TULP4: variants seen among roughly 807,000 people sequenced by gnomAD.
TULP4 encodes TUB like protein 4, also known as tubby-related protein 4.
A neutral mutation model predicts 129.0 loss-of-function variants in TULP4; 16 were observed. The ratio of observed to expected loss-of-function variants is 0.12; its 90% confidence interval spans 0.08 to 0.19. The LOEUF is 0.19. Among genes scored for constraint, TULP4 ranks in the 10% least tolerant of loss-of-function variants. The pLI is 1.00. For synonymous variants in TULP4, 998 were observed against 854.0 expected (o/e 1.17, Z -2.94); for missense variants, 1,842 against 2,059.1 (o/e 0.89, Z 2.04).
At position 158,289,200 on chromosome 6, in the gene TULP4, A is replaced by G. The variant is rs189701320; in HGVS notation, n.116+6822A>G. Among the ~76,000 whole-genome samples the G allele has an allele frequency of 5.3e-5, 8 of 152,288 alleles. No individual in the cohort carries two copies. In the Middle Eastern group the frequency reaches 0.01, roughly 194 times the overall value. ...TTCATATGTTATCTAATTTTATAAC[A>G]TTAAGTTGTTCATGGTATTATTTTA... On this transcript the variant is annotated intron_variant and non_coding_transcript_variant, in intron 1 of 1. Coordinates refer to the TULP4 transcript ENST00000432358.
At chr6:158,271,826 A>G (rs1033143590) in intron 1 of TULP4, among the ~76,000 whole-genome samples, 1 of 152,200 alleles carries the variant, frequency 6.6e-6, no homozygotes, top group African/African-American at 2.4e-5. Flanking sequence ...TTAAAGTTGG[A>G]AAGCACTGAG....
At chr6:158,454,778 G>C (rs1489982114) in intron 5 of TULP4, among the ~76,000 whole-genome samples, 3 of 151,766 alleles carry the variant, frequency 2.0e-5, no homozygotes, top group African/African-American at 7.3e-5. Flanking sequence ...GCTAATTTTG[G>C]TATTTTTGGT....
intron 1 of TULP4, among the ~76,000 whole-genome samples, chr6:158,351,137 A>G (rs1780508528): frequency 6.6e-6 from 1 of 152,124 alleles, no homozygotes; most frequent in Non-Finnish European, 1.5e-5. Context: ...TTTGCATTGC[A>G]TTTTTATATG....
rs961288051 is a variant in TULP4, at chr6:158,508,408, G to C, written c.*1714G>C. On this transcript the variant is annotated 3_prime_UTR_variant, in exon 14 of 14. Coordinates refer to ENST00000367097, the MANE Select transcript of TULP4 (RefSeq NM_020245.5). ...AAGAAACCGACCCATTTTTTTCCCA[G>C]ATCAAGATGACATGACATCACTCCC... 1 of 152,056 alleles carries C rather than the reference G, an allele frequency of 6.6e-6. No individual in the cohort carries two copies. The highest frequency in any genetic ancestry group is 2.4e-5 in the African/African-American group (1 of 41,420). 9.4% of individuals were successfully genotyped at this position (152,056 alleles called of 1,614,324 possible).
intron 1 of TULP4, chr6:158,238,078 C>A: frequency 1.4e-6 from 1 of 708,550 alleles, no homozygotes; most frequent in Non-Finnish European, 2.6e-6. Context: ...ATTAAATCTT[C>A]TTCATGGCTA....
intron 1 of TULP4, among the ~76,000 whole-genome samples, chr6:158,338,956 C>T (rs566554257): frequency 6.6e-5 from 10 of 152,268 alleles, no homozygotes; most frequent in South Asian, 6.2e-4. Context: ...CCCTCCTGAG[C>T]GGGCAGGCAT....
At chr6:158,331,723 A>G (rs1326963573) in intron 1 of TULP4, among the ~76,000 whole-genome samples, 1,526 of 24,632 alleles carry the variant, frequency 0.062, 139 homozygotes, top group Non-Finnish European at 0.12. Context: ...ACACACACAC[A>G]CACACATACG....
At chr6:158,328,804 C>T (rs539756184) in intron 1 of TULP4, among the ~76,000 whole-genome samples, 33 of 152,116 alleles carry the variant, frequency 2.2e-4, no homozygotes, top group Non-Finnish European at 2.9e-5. Flanking sequence ...CTTCCCGCCT[C>T]GCAAGCCAGC....
At chr6:158,419,829 A>G (rs73025832) in intron 2 of TULP4, among the ~76,000 whole-genome samples, 8,287 of 152,312 alleles carry the variant, frequency 0.054, 290 homozygotes, top group Non-Finnish European at 0.08. Context: ...AAGTGAAGGA[A>G]ACTAATAGAA....
intron 5 of TULP4, among the ~76,000 whole-genome samples, chr6:158,453,344 CGT>C (rs1779205888): frequency 6.6e-6 from 1 of 151,486 alleles, no homozygotes; most frequent in African/African-American, 2.4e-5. Context: ...ATTAGCCGGG[CGT>C]GGTGGCGGGC....
At chr6:158,454,439 ACTTGGTTTCTCTACCAAATAT>A (rs1472886224) in intron 5 of TULP4, among the ~76,000 whole-genome samples, 1 of 152,174 alleles carries the variant, frequency 6.6e-6, no homozygotes, top group Admixed American at 6.5e-5. Context: ...GGAATCCAGA[ACTTGGTTTCTCTACCAAATAT>A]CTGGTGAAGG....
chr6:158,299,165 C>T (rs1051536829), intron 1 of TULP4, among the ~76,000 whole-genome samples: 4 of 152,202 alleles, frequency 2.6e-5, no homozygotes, highest in Middle Eastern at 3.4e-3. Context: ...CCCTTATCTT[C>T]CTGTTTTAAG....
At chr6:158,421,971 T>C (rs1471068492) in intron 2 of TULP4, among the ~76,000 whole-genome samples, 3 of 152,146 alleles carry the variant, frequency 2.0e-5, no homozygotes, top group African/African-American at 4.8e-5. Context: ...TTGTGAGATA[T>C]GATTAAAGTG....
At chr6:158,254,095 G>C (rs1006389442) in intron 1 of TULP4, among the ~76,000 whole-genome samples, 11 of 152,120 alleles carry the variant, frequency 7.2e-5, no homozygotes, top group Non-Finnish European at 1.6e-4. Flanking sequence ...TGGAGGAGGG[G>C]TCAAGGAAAG....
intron 8 of TULP4, 149 bp downstream of exon 8, chr6:158,481,438 A>G: frequency 1.4e-6 from 1 of 716,484 alleles, no homozygotes; most frequent in Non-Finnish European, 2.5e-6. Flanking sequence ...CGACATTTCC[A>G]GAATCCCATT....
At chr6:158,461,771 A>G (rs368256871) in intron 6 of TULP4, 42 bp downstream of exon 6, 2 of 1,578,676 alleles carry the variant, frequency 1.3e-6, no homozygotes, top group Non-Finnish European at 1.7e-6. Context: ...TCAGCAGTAT[A>G]CTAGTGAATA....
chr6:158,242,239 A>G (rs976381083), intron 1 of TULP4: 43 of 1,537,636 alleles, frequency 2.8e-5, no homozygotes, highest in African/African-American at 1.4e-5. Flanking sequence ...TAGGATGTTC[A>G]TGGCCTGGTT....
intron 1 of TULP4, among the ~76,000 whole-genome samples, chr6:158,272,383 T>A (rs981975713): frequency 2.0e-5 from 3 of 152,196 alleles, no homozygotes; most frequent in African/African-American, 7.2e-5. Context: ...ATAGCTCGTA[T>A]TTGTTTTTTA....
At chr6:158,248,885 T>A (rs1301313801) in intron 1 of TULP4, among the ~76,000 whole-genome samples, 1 of 151,722 alleles carries the variant, frequency 6.6e-6, no homozygotes, top group Non-Finnish European at 1.5e-5. Flanking sequence ...GTTGACAGGT[T>A]TAGGTGGAAG....
Sources: gnomAD v4.1 joint callset for allele counts (sites outside exome capture counted in the v4.1 genomes callset) on GRCh38, gnomAD v4.1.1 for gene constraint, MANE v1.5 for transcripts, NCBI Gene and HGNC (gene_info 2026-07-23, HGNC 2026-07-21) for gene names.